Variants in SGK1 observed in about 807,000 individuals in gnomAD.
SGK1 encodes the protein serum/glucocorticoid regulated kinase 1.
Under a neutral mutation model 64.2 loss-of-function variants are expected in SGK1, and 26 were observed. That is an observed-to-expected ratio of 0.40 (90% CI 0.30 to 0.56). The LOEUF (loss-of-function observed/expected upper bound fraction) is 0.56. SGK1 is among the 20% of genes least tolerant of loss of function. The probability of loss-of-function intolerance (pLI) is 0.38; values close to 1 mark genes in which losing one functional copy is unlikely to be tolerated. For missense variants in SGK1, 519 were observed against 645.6 expected (o/e 0.80, Z 2.12); for synonymous variants, 265 against 239.7 (o/e 1.11, Z -0.98).
intron 2 of SGK1, 22 bp downstream of exon 2, chr6:134,261,911 T>A (rs1562267806): frequency 8.3e-6 from 13 of 1,559,592 alleles, no homozygotes; most frequent in Non-Finnish European, 1.2e-5. Context: ...GGAGAATAGA[T>A]CCAGAGCGAA....
intron 3 of SGK1, among the ~76,000 whole-genome samples, chr6:134,175,083 C>A (rs919773203): frequency 6.6e-6 from 1 of 152,026 alleles, no homozygotes; most frequent in Non-Finnish European, 1.5e-5. Context: ...GACGGCCTGG[C>A]GCAGGGCCGT....
intron 3 of SGK1, among the ~76,000 whole-genome samples, chr6:134,202,004 G>C (rs958968719): frequency 6.6e-6 from 1 of 151,998 alleles, no homozygotes; most frequent in African/African-American, 2.4e-5. Context: ...AAACCTGAGA[G>C]ATCTACATCT....
intron 1 of SGK1, among the ~76,000 whole-genome samples, chr6:134,305,705 G>C (rs1777525185): frequency 6.6e-6 from 1 of 152,014 alleles, no homozygotes; most frequent in East Asian, 1.9e-4. Context: ...AGAGTACAGT[G>C]GTGTGACTAT....
intron 2 of SGK1, among the ~76,000 whole-genome samples, chr6:134,217,556 C>T (rs1776006123): frequency 6.6e-6 from 1 of 152,160 alleles, no homozygotes; most frequent in Admixed American, 6.6e-5. Flanking sequence ...CCACACCGGT[C>T]AAGATGGAAT....
chr6:134,175,338 C>G (rs1775197351), intron 3 of SGK1, among the ~76,000 whole-genome samples: 1 of 152,168 alleles, frequency 6.6e-6, no homozygotes, highest in Non-Finnish European at 1.5e-5. Flanking sequence ...TCCCACCCTC[C>G]TCCCCAACCC....
intron 2 of SGK1, among the ~76,000 whole-genome samples, chr6:134,214,324 C>T (rs1188046508): frequency 3.9e-5 from 6 of 152,170 alleles, no homozygotes; most frequent in African/African-American, 2.4e-5. Flanking sequence ...AAAATTAAGG[C>T]TCACGCCTGT....
chr6:134,202,926 A>T (rs1325562638), intron 3 of SGK1, among the ~76,000 whole-genome samples: 1 of 152,174 alleles, frequency 6.6e-6, no homozygotes, highest in Non-Finnish European at 1.5e-5. Flanking sequence ...GCAAATTTTG[A>T]CGATGGTCTA....
intron 1 of SGK1, among the ~76,000 whole-genome samples, chr6:134,275,633 A>G (rs925960714): frequency 6.6e-6 from 1 of 152,206 alleles, no homozygotes; most frequent in African/African-American, 2.4e-5. Context: ...TGAACCACTA[A>G]TGGGTGCCAC....
intron 2 of SGK1, among the ~76,000 whole-genome samples, chr6:134,220,084 A>AAAAAAAAAAAAAAAAAAAAAAAAAG: frequency 7.6e-6 from 1 of 131,632 alleles, no homozygotes; most frequent in Non-Finnish European, 1.6e-5. Context: ...AAAAAAAAAA[A>AAAAAAAAAAAAAAAAAAAAAAAAAG]AAAGAAAAGA....
intron 2 of SGK1, among the ~76,000 whole-genome samples, chr6:134,229,955 CAACTT>C (rs752568319): frequency 6.6e-6 from 1 of 151,942 alleles, no homozygotes; most frequent in Non-Finnish European, 1.5e-5. Flanking sequence ...ACTTTGTTCT[CAACTT>C]AAAGCCATTA....
At chr6:134,267,477 G>C (rs1192053599) in intron 1 of SGK1, among the ~76,000 whole-genome samples, 1 of 151,980 alleles carries the variant, frequency 6.6e-6, no homozygotes, top group Non-Finnish European at 1.5e-5. Flanking sequence ...ATTTTTTGGA[G>C]AGACGGTGTC....
chr6:134,220,083 A>AAAAAAAAAAAAAAAAAAAG, intron 2 of SGK1, among the ~76,000 whole-genome samples: 1 of 131,714 alleles, frequency 7.6e-6, no homozygotes, highest in South Asian at 2.4e-4. Flanking sequence ...AAAAAAAAAA[A>AAAAAAAAAAAAAAAAAAAG]AAAAGAAAAG....
intron 3 of SGK1, among the ~76,000 whole-genome samples, chr6:134,199,671 T>A (rs1743956): frequency 0.5 from 72,194 of 145,694 alleles, 19,953 homozygotes; most frequent in Non-Finnish European, 0.64. Context: ...TAGAAAAAAA[T>A]ATATATATAT....
chr6:134,175,162 G>A (rs1332547255), intron 3 of SGK1, among the ~76,000 whole-genome samples: 3 of 152,148 alleles, frequency 2.0e-5, no homozygotes, highest in Non-Finnish European at 4.4e-5. Flanking sequence ...GGGAGGGCCG[G>A]AGAGCCCGGG....
chr6:134,210,051 T>C (rs1464751185), intron 2 of SGK1, among the ~76,000 whole-genome samples: 1 of 152,178 alleles, frequency 6.6e-6, no homozygotes, highest in African/African-American at 2.4e-5. Flanking sequence ...TGTGGACCAG[T>C]ATCAAAGAAT....
At position 134,169,699 on chromosome 6, in the gene SGK1, C is replaced by T. The variant is rs1260877218; in HGVS notation, c.*569G>A. The T allele has an allele frequency of 2.0e-5, 3 of 152,650 alleles. No individual in the cohort carries two copies. The highest frequency in any genetic ancestry group is 4.4e-5 in the Non-Finnish European group (3 of 68,036). The allele number at this position is 152,650 out of a possible 1,614,324, so 9.5% of individuals were successfully genotyped here. ...ACCGTATCTTACAAAAAAGTCTACA[C>T]ATAAATTTATCTTCCAAATATGGAA... On this transcript the variant is annotated 3_prime_UTR_variant, in exon 14 of 14. Coordinates refer to ENST00000367858, the MANE Select transcript of SGK1 (RefSeq NM_001143676.3).
intron 2 of SGK1, among the ~76,000 whole-genome samples, chr6:134,229,683 T>C (rs567185123): frequency 3.2e-4 from 49 of 152,218 alleles, no homozygotes; most frequent in African/African-American, 1.1e-3. Context: ...CAGTTTCAGG[T>C]GGGTTCTTTC....
At chr6:134,206,265 C>G (rs1392478391) in intron 3 of SGK1, among the ~76,000 whole-genome samples, 1 of 146,750 alleles carries the variant, frequency 6.8e-6, no homozygotes, top group Non-Finnish European at 1.5e-5. Context: ...GTCTTCTACT[C>G]CAGCAAATAG....
intron 1 of SGK1, among the ~76,000 whole-genome samples, chr6:134,309,674 C>T (rs9402588): frequency 0.19 from 29,016 of 152,044 alleles, 3,605 homozygotes; most frequent in East Asian, 0.55. Flanking sequence ...GCGAGCTGAA[C>T]TTTCTTGAGC....
Sources: allele counts gnomAD v4.1 joint callset (sites outside exome capture counted in the v4.1 genomes callset), GRCh38; gene constraint gnomAD v4.1.1; transcripts MANE v1.5; gene names NCBI Gene and HGNC (gene_info 2026-07-23, HGNC 2026-07-21).